SUPT3H: variants seen among roughly 807,000 people sequenced by gnomAD.
SUPT3H encodes the protein SPT3 homolog, SAGA and STAGA complex component.
SUPT3H carries 44 observed loss-of-function variants against 44.3 expected under a neutral mutation model. That is an observed-to-expected ratio of 0.99 (90% CI 0.78 to 1.28). The LOEUF (loss-of-function observed/expected upper bound fraction) is 1.28. SUPT3H is among the 50% of genes most tolerant of loss of function. SUPT3H has a pLI of 0.00. For synonymous variants in SUPT3H, 124 were observed against 125.6 expected (o/e 0.99, Z 0.09); for missense variants, 380 against 387.1 (o/e 0.98, Z 0.15).
At chr6:44,911,054 A>G (rs2153452940) in intron 10 of SUPT3H, among the ~76,000 whole-genome samples, 1 of 149,452 alleles carries the variant, frequency 6.7e-6, no homozygotes, top group African/African-American at 2.4e-5. Context: ...AGTCTAACTT[A>G]GATATAATTG....
At chr6:45,069,260 C>T (rs1793992598) in intron 3 of SUPT3H, among the ~76,000 whole-genome samples, 1 of 152,166 alleles carries the variant, frequency 6.6e-6, no homozygotes. Flanking sequence ...CCAAAAACTT[C>T]ATGCAGAACG....
chr6:45,203,962 G>A (rs958284219), intron 2 of SUPT3H, among the ~76,000 whole-genome samples: 1 of 151,910 alleles, frequency 6.6e-6, no homozygotes, highest in Admixed American at 6.6e-5. Context: ...CGTTAAGAAG[G>A]GCCACCCAAA....
intron 2 of SUPT3H, among the ~76,000 whole-genome samples, chr6:45,326,017 A>C (rs527665338): frequency 3.3e-5 from 5 of 151,882 alleles, no homozygotes; most frequent in Non-Finnish European, 7.4e-5. Context: ...AACAATATCT[A>C]CTAAACTCTC....
chr6:44,930,609 T>C (rs969326478), intron 10 of SUPT3H, among the ~76,000 whole-genome samples: 3 of 149,078 alleles, frequency 2.0e-5, no homozygotes, highest in African/African-American at 7.4e-5. Context: ...TTCACTCTTG[T>C]AGTGCGCAAA....
At chr6:45,275,234 A>T (rs530002545) in intron 2 of SUPT3H, among the ~76,000 whole-genome samples, 3 of 152,224 alleles carry the variant, frequency 2.0e-5, no homozygotes, top group Admixed American at 2.0e-4. Context: ...ATGAGGGAGG[A>T]TTCTAAGATG....
intron 2 of SUPT3H, among the ~76,000 whole-genome samples, chr6:45,261,033 A>G (rs1255806728): frequency 6.6e-6 from 1 of 152,090 alleles, no homozygotes; most frequent in African/African-American, 2.4e-5. Flanking sequence ...TAAAGCCAAG[A>G]ATTAGAAGTA....
intron 10 of SUPT3H, among the ~76,000 whole-genome samples, chr6:44,839,805 C>A (rs1008257883): frequency 6.6e-6 from 1 of 151,188 alleles, no homozygotes; most frequent in African/African-American, 2.4e-5. Flanking sequence ...GGGTTCATGC[C>A]ATTCTCCTGC....
At chr6:45,321,009 T>C (rs1030118964) in intron 2 of SUPT3H, among the ~76,000 whole-genome samples, 1 of 152,126 alleles carries the variant, frequency 6.6e-6, no homozygotes, top group Non-Finnish European at 1.5e-5. Context: ...ACAAATGACA[T>C]ACCAATAACA....
chr6:45,263,402 G>A (rs1190144270), intron 2 of SUPT3H, among the ~76,000 whole-genome samples: 1 of 152,142 alleles, frequency 6.6e-6, no homozygotes, highest in Non-Finnish European at 1.5e-5. Context: ...AATACCATAT[G>A]TTCTCATCTA....
At chr6:44,911,100 A>T (rs574089849) in intron 10 of SUPT3H, among the ~76,000 whole-genome samples, 1 of 152,018 alleles carries the variant, frequency 6.6e-6, no homozygotes. Context: ...TATTGCTAAC[A>T]CTATTGGTAA....
chr6:44,914,901 C>T (rs1767582332), intron 10 of SUPT3H, among the ~76,000 whole-genome samples: 1 of 152,242 alleles, frequency 6.6e-6, no homozygotes, highest in South Asian at 2.1e-4. Context: ...TATCTTGGAG[C>T]AAGTGGGTCA....
At chr6:45,333,195 T>C (rs1233852213) in intron 2 of SUPT3H, among the ~76,000 whole-genome samples, 3 of 151,708 alleles carry the variant, frequency 2.0e-5, no homozygotes, top group Non-Finnish European at 4.4e-5. Context: ...AAAAAGATTA[T>C]GAAATTCACT....
chr6:45,223,780 A>T (rs1280420429), intron 2 of SUPT3H, among the ~76,000 whole-genome samples: 1 of 151,568 alleles, frequency 6.6e-6, no homozygotes, highest in African/African-American at 2.4e-5. Flanking sequence ...GATGTAAATT[A>T]TTGCAAATAT....
chr6:44,956,688 T>C (rs1226902770), intron 7 of SUPT3H, among the ~76,000 whole-genome samples: 1 of 152,070 alleles, frequency 6.6e-6, no homozygotes, highest in South Asian at 2.1e-4. Flanking sequence ...TATTTCCCTA[T>C]TAAACCATCA....
intron 1 of SUPT3H, among the ~76,000 whole-genome samples, chr6:45,369,864 A>T (rs1795767488): frequency 6.6e-6 from 1 of 152,214 alleles, no homozygotes; most frequent in African/African-American, 2.4e-5. Flanking sequence ...GGTGGCATTT[A>T]ATATAAGATC....
chr6:44,921,312 C>A (rs967609862), intron 10 of SUPT3H, among the ~76,000 whole-genome samples: 22 of 152,194 alleles, frequency 1.4e-4, no homozygotes, highest in African/African-American at 4.8e-5. Flanking sequence ...TGCTTTCATT[C>A]TATCAGGAAG....
intron 6 of SUPT3H, among the ~76,000 whole-genome samples, chr6:44,989,895 T>TA (rs1466500270): frequency 2.0e-5 from 3 of 152,172 alleles, no homozygotes; most frequent in Non-Finnish European, 2.9e-5. Flanking sequence ...ATTTTGGGTA[T>TA]TAACTCCTTA....
intron 10 of SUPT3H, among the ~76,000 whole-genome samples, chr6:44,927,163 C>A (rs2153459054): frequency 6.6e-6 from 1 of 152,036 alleles, no homozygotes; most frequent in Middle Eastern, 3.5e-3. Context: ...GAAGCTATTA[C>A]AAATCATGTT....
intron 10 of SUPT3H, among the ~76,000 whole-genome samples, chr6:44,876,836 G>GAA (rs200454659): frequency 0.37 from 34,034 of 91,602 alleles, 5,439 homozygotes; most frequent in Non-Finnish European, 0.45. Context: ...ATCTTCAATT[G>GAA]AAAAAAAAAA....
Sources: allele counts gnomAD v4.1 joint callset (sites outside exome capture counted in the v4.1 genomes callset), GRCh38; gene constraint gnomAD v4.1.1; transcripts MANE v1.5; gene names NCBI Gene and HGNC (gene_info 2026-07-23, HGNC 2026-07-21).